The following RBFOX3 variants were observed in gnomAD, a reference collection of about 807,000 sequenced individuals.
The protein encoded by RBFOX3 is RNA binding protein fox-1 homolog 3.
RBFOX3 carries 17 observed loss-of-function variants against 48.7 expected under a neutral mutation model. That is an observed-to-expected ratio of 0.35 (90% CI 0.24 to 0.52). RBFOX3 has a LOEUF of 0.52. RBFOX3 is among the 20% of genes least tolerant of loss of function. The pLI, the probability that RBFOX3 is intolerant of heterozygous loss-of-function variation, is 0.94. For synonymous variants in RBFOX3, 212 were observed against 209.5 expected (o/e 1.01, Z -0.10); for missense variants, 382 against 497.5 (o/e 0.77, Z 2.21).
chr17:79,169,730 G>A (rs909250438), intron 4 of RBFOX3, among the ~76,000 whole-genome samples: 4 of 152,258 alleles, frequency 2.6e-5, no homozygotes, highest in Admixed American at 2.0e-4. Flanking sequence ...GGGGAGAACG[G>A]GAGGTGGCTG....
chr17:79,286,114 G>A (rs548458468), intron 3 of RBFOX3, among the ~76,000 whole-genome samples: 9 of 152,306 alleles, frequency 5.9e-5, no homozygotes, highest in African/African-American at 2.2e-4. Context: ...GAGTACTGGT[G>A]CAGAGTCTAT....
intron 2 of RBFOX3, among the ~76,000 whole-genome samples, chr17:79,427,624 G>T (rs959325568): frequency 6.6e-6 from 1 of 152,190 alleles, no homozygotes; most frequent in African/African-American, 2.4e-5. Flanking sequence ...ACTCTTAACC[G>T]TGGAGACCCT....
At chr17:79,455,851 G>A (rs991044290) in intron 2 of RBFOX3, among the ~76,000 whole-genome samples, 8 of 152,130 alleles carry the variant, frequency 5.3e-5, no homozygotes, top group Admixed American at 4.6e-4. Flanking sequence ...CCTCCAGCCT[G>A]GCCTCCCCCG....
Position 79,252,784 on chromosome 17 carries a change from C to T in RBFOX3, c.-73-16979G>A, listed in dbSNP as rs988761634. Among the ~76,000 whole-genome samples the T allele has an allele frequency of 1.3e-5, 2 of 152,210 alleles. No individual in the cohort carries two copies. The highest frequency in any genetic ancestry group is 4.8e-5 in the African/African-American group (2 of 41,450). On this transcript the variant is annotated intron_variant, in intron 3 of 14. Coordinates refer to ENST00000693108, the MANE Select transcript of RBFOX3 (RefSeq NM_001350451.2). This position sits in a 1 kb window ranked among gnomAD's most constrained non-coding sequence, Gnocchi z 4.0. ...CTCAATGCCCCTCTCCTTTCCCTTCCTTTTTGGGTCTTCATGTCCACAGAG... is the reference window on the plus strand; with the variant it reads ...CTCAATGCCCCTCTCCTTTCCCTTCTTTTTTGGGTCTTCATGTCCACAGAG...
chr17:79,550,986 C>G (rs2091088919), intron 1 of RBFOX3, among the ~76,000 whole-genome samples: 4 of 152,358 alleles, frequency 2.6e-5, no homozygotes, highest in Admixed American at 2.6e-4. Context: ...CCTGCACTGT[C>G]CAGTGTGGTA....
In RBFOX3 at chr17:79,220,622, G is replaced by A. The variant is rs2059614415; in HGVS notation, c.-34+15144C>T. On this transcript the variant is annotated intron_variant, in intron 4 of 14. Coordinates refer to ENST00000693108, the MANE Select transcript of RBFOX3 (RefSeq NM_001350451.2). This position sits in a 1 kb window ranked among gnomAD's most constrained non-coding sequence, Gnocchi z 5.9. Reference sequence around the variant, plus strand: ...GGGTGTGTGTGTGTGTGTGTCGGGGGGACACAAAACCTTCCAGCCTAGCAG... The same window carrying A: ...GGGTGTGTGTGTGTGTGTGTCGGGGAGACACAAAACCTTCCAGCCTAGCAG... 1.3e-5 allele frequency among the ~76,000 whole-genome samples: 2 copies of A among 151,906 alleles called. No individual in the cohort carries two copies. Among genetic ancestry groups the A allele is most frequent in the Admixed American group, 1.3e-4 (2 of 15,238 alleles).
intron 2 of RBFOX3, among the ~76,000 whole-genome samples, chr17:79,461,719 G>A (rs1555748941): frequency 6.6e-6 from 1 of 152,204 alleles, no homozygotes; most frequent in East Asian, 1.9e-4. Context: ...CAAAGCTCTT[G>A]AAACGAAATT....
rs1356823919 is a variant in RBFOX3 at position 79,390,677 on chromosome 17, ATGTTGG to A, written c.-174-82859_-174-82854del. Among the ~76,000 whole-genome samples the A allele has an allele frequency of 2.0e-5, 3 of 152,272 alleles. No homozygotes were observed. The highest frequency in any genetic ancestry group is 2.0e-4 in the Admixed American group (3 of 15,306). ...TTTTTAGTAGAGACAGGGTTTCGCC[ATGTTGG>A]CCAGGCTGGTCTCGAACTCCTTATC... On this transcript the variant is annotated intron_variant, in intron 2 of 14. Transcript: ENST00000693108. This position sits in a 1 kb window ranked among gnomAD's most constrained non-coding sequence, Gnocchi z 4.2.
chr17:79,248,164 A>G (rs1397940200), intron 3 of RBFOX3, among the ~76,000 whole-genome samples: 1 of 152,134 alleles, frequency 6.6e-6, no homozygotes, highest in Non-Finnish European at 1.5e-5. Flanking sequence ...GACGTTTGGA[A>G]CAAACCCCAA....
chr17:79,103,018 T>G lies in RBFOX3; in HGVS notation c.507+144A>C. ...AGCCGGCAGCTGAGCACCCTGGCCTTAGTGCGACCCTTCCTCCCACCCCAG... is the reference window on the plus strand; with the variant it reads ...AGCCGGCAGCTGAGCACCCTGGCCTGAGTGCGACCCTTCCTCCCACCCCAG... On this transcript the variant is annotated intron_variant, in intron 8 of 14. Coordinates refer to ENST00000693108, the MANE Select transcript of RBFOX3 (RefSeq NM_001350451.2). The surrounding 1 kb of genome is among the most constrained non-coding windows in gnomAD (Gnocchi z 6.1). 1.6e-6 allele frequency: 1 copy of G among 639,624 alleles called. No individual in the cohort carries two copies. 39.6% of individuals were successfully genotyped at this position (639,624 alleles called of 1,614,324 possible). A position where few individuals can be genotyped will look rare whatever the true frequency, so the allele number is the denominator to read the frequency against.
At chr17:79,359,054 C>T (rs1442403025) in intron 2 of RBFOX3, among the ~76,000 whole-genome samples, 2 of 152,248 alleles carry the variant, frequency 1.3e-5, no homozygotes, top group Admixed American at 6.5e-5. Flanking sequence ...GGTGGGTTTG[C>T]ACCAGGCCAG....
rs2065693456 is a variant in RBFOX3 at position 79,418,182 on chromosome 17, T to C, written c.-175+64272A>G. Among the ~76,000 whole-genome samples, 1 of 152,234 alleles carries C rather than the reference T, an allele frequency of 6.6e-6. No homozygotes were observed. Among genetic ancestry groups the C allele is most frequent in the Non-Finnish European group, 1.5e-5 (1 of 68,038 alleles). ...GAATGTACTTAATGCCACTGAACAG[T>C]GCACTTAAAAATGGTTAAGATGGTA... On this transcript the variant is annotated intron_variant, in intron 2 of 14. Coordinates refer to ENST00000693108, the MANE Select transcript of RBFOX3 (RefSeq NM_001350451.2). The surrounding 1 kb of genome is among the most constrained non-coding windows in gnomAD (Gnocchi z 5.0).
chr17:79,553,827 G>T (rs2091373051), intron 1 of RBFOX3, among the ~76,000 whole-genome samples: 1 of 151,968 alleles, frequency 6.6e-6, no homozygotes, highest in South Asian at 2.1e-4. Flanking sequence ...CTGCCTCCTG[G>T]GTGCAAGCGA....
chr17:79,358,618 G>A (rs143402216), intron 2 of RBFOX3, among the ~76,000 whole-genome samples: 7 of 152,068 alleles, frequency 4.6e-5, no homozygotes, highest in South Asian at 2.1e-4. Context: ...GCACCATCAC[G>A]CCTGGCTAAT....
chr17:79,364,412 G>T lies in RBFOX3; in HGVS notation c.-174-56588C>A, dbSNP rs1438399802. On this transcript the variant is annotated intron_variant, in intron 2 of 14. Transcript: ENST00000693108. This position sits in a 1 kb window ranked among gnomAD's most constrained non-coding sequence, Gnocchi z 5.1. ...ATGGAGATAAAGCTGCCATTCAGATGCAGGTGGACTCTGAACTCTGCGAGG... is the reference window on the plus strand; with the variant it reads ...ATGGAGATAAAGCTGCCATTCAGATTCAGGTGGACTCTGAACTCTGCGAGG... Among the ~76,000 whole-genome samples, 1 of 152,252 alleles carries T rather than the reference G, an allele frequency of 6.6e-6. No individual in the cohort carries two copies. The highest frequency in any genetic ancestry group is 2.4e-5 in the African/African-American group (1 of 41,468).
intron 5 of RBFOX3, among the ~76,000 whole-genome samples, chr17:79,107,227 G>A (rs1020408399): frequency 7.2e-5 from 11 of 152,176 alleles, no homozygotes; most frequent in African/African-American, 2.2e-4. Flanking sequence ...GACAGATGTC[G>A]GCCTGGCCCG....
chr17:79,154,138 C>T (rs1054160333), intron 4 of RBFOX3, among the ~76,000 whole-genome samples: 37 of 152,092 alleles, frequency 2.4e-4, no homozygotes, highest in African/African-American at 5.1e-4. Flanking sequence ...TGTCCAGTCC[C>T]GCCCCACCTG....
chr17:79,428,375 C>A (rs1410476361), intron 2 of RBFOX3, among the ~76,000 whole-genome samples: 1 of 152,238 alleles, frequency 6.6e-6, no homozygotes, highest in Non-Finnish European at 1.5e-5. Flanking sequence ...CCTGCGTCTG[C>A]CCCCGCCCAG....
chr17:79,191,674 G>A (rs1466827464), intron 4 of RBFOX3, among the ~76,000 whole-genome samples: 3 of 152,202 alleles, frequency 2.0e-5, no homozygotes, highest in East Asian at 1.9e-4. Flanking sequence ...TCCTTCTAAC[G>A]AAGCCTCATG....
Sources: gnomAD v4.1 joint callset for allele counts (sites outside exome capture counted in the v4.1 genomes callset) on GRCh38, gnomAD v4.1.1 for gene constraint, Gnocchi (gnomAD v3.1) non-coding constraint, MANE v1.5 for transcripts, NCBI Gene and HGNC (gene_info 2026-07-23, HGNC 2026-07-21) for gene names.